Variants in RXFP2 observed in about 807,000 individuals in gnomAD.
RXFP2 encodes the protein relaxin family peptide receptor 2, also known as relaxin receptor 2.
In RXFP2, 68 loss-of-function variants were observed where a neutral mutation model predicts 88.6. The observed-to-expected ratio is 0.77, with a 90% CI of 0.63 to 0.94. The LOEUF (loss-of-function observed/expected upper bound fraction) is 0.94. RXFP2 is among the 40% of genes least tolerant of loss of function. The probability of loss-of-function intolerance (pLI) is 0.00; values close to 1 mark genes in which losing one functional copy is unlikely to be tolerated. For missense variants in RXFP2, 791 were observed against 893.9 expected (o/e 0.88, Z 1.47); for synonymous variants, 329 against 306.8 (o/e 1.07, Z -0.76).
At chr13:31,800,386 C>T (rs532027603) in intron 17 of RXFP2, among the ~76,000 whole-genome samples, 20 of 152,182 alleles carry the variant, frequency 1.3e-4, no homozygotes, top group Admixed American at 6.5e-4. Context: ...CTGGCTAACA[C>T]GGTGAAACCC....
chr13:31,769,473 A>G (rs1016771778), intron 5 of RXFP2, among the ~76,000 whole-genome samples: 1 of 152,146 alleles, frequency 6.6e-6, no homozygotes, highest in Non-Finnish European at 1.5e-5. Context: ...ATTCCTCCCC[A>G]AAGGACATAG....
intron 1 of RXFP2, among the ~76,000 whole-genome samples, chr13:31,754,932 CCTT>C (rs1479434727): frequency 6.6e-6 from 1 of 152,164 alleles, no homozygotes; most frequent in African/African-American, 2.4e-5. Context: ...CATAGAGCTT[CCTT>C]CTTAACATTC....
chr13:31,793,688 A>T (rs968474838), intron 16 of RXFP2, among the ~76,000 whole-genome samples: 2 of 152,102 alleles, frequency 1.3e-5, no homozygotes, highest in South Asian at 4.1e-4. Context: ...AAAGTTAAAA[A>T]CACTTTTTTT....
chr13:31,797,341 A>G lies in RXFP2; in HGVS notation c.1927A>G (p.Ile643Val), dbSNP rs757070167. The G allele has an allele frequency of 1.9e-6, 3 of 1,614,022 alleles. No individual in the cohort carries two copies. The highest frequency in any genetic ancestry group is 2.5e-6 in the Non-Finnish European group (3 of 1,179,982). ...EVAVANRFFF[I>V]VFSDAICWIP... ...GGCTGTTGCAAATCGTTTCTTTTTT[A>G]TAGTGTTCTCTGATGCCATCTGCTG... Residue 643 changes from isoleucine (I) to valine (V), a missense_variant, in exon 17 of 18, where the codon ATA becomes GTA. Physicochemically the swap from Ile to Val is conservative, Grantham distance 29. Transcript: ENST00000298386.
intron 1 of RXFP2, among the ~76,000 whole-genome samples, chr13:31,742,304 C>T (rs566556006): frequency 6.6e-6 from 1 of 152,176 alleles, no homozygotes; most frequent in African/African-American, 2.4e-5. Context: ...CCCCTAGTGG[C>T]CAGACTCAAG....
At chr13:31,754,955 A>G (rs762676631) in intron 1 of RXFP2, among the ~76,000 whole-genome samples, 4 of 152,186 alleles carry the variant, frequency 2.6e-5, no homozygotes, top group Non-Finnish European at 4.4e-5. Flanking sequence ...CTATTTTCTT[A>G]CATTGTATGG....
intron 11 of RXFP2, among the ~76,000 whole-genome samples, chr13:31,785,403 C>T (rs1433217452): frequency 1.3e-5 from 2 of 152,084 alleles, no homozygotes; most frequent in Admixed American, 6.5e-5. Context: ...TCATTTTTTA[C>T]ACCCACCTGA....
chr13:31,774,651 TC>T lies in RXFP2; in HGVS notation c.531del (p.Arg178GlyfsTer34). On this transcript the variant is annotated frameshift_variant, in exon 6 of 18. Coordinates refer to ENST00000298386, the MANE Select transcript of RXFP2 (RefSeq NM_130806.5). LOFTEE classifies it high-confidence loss of function. ...FLQHNCIRHI[S>X]RKAFFGLCNL... ...TCAGCATAATTGCATTAGACACATATCCAGGAAAGCATTTTTTGGATTATGT... is the reference window on the plus strand; with the variant it reads ...TCAGCATAATTGCATTAGACACATATCAGGAAAGCATTTTTTGGATTATGT... 1 of 1,562,314 alleles carries T rather than the reference TC, an allele frequency of 6.4e-7. No individual in the cohort carries two copies. The highest frequency in any genetic ancestry group is 8.8e-7 in the Non-Finnish European group (1 of 1,132,972).
rs6563819 is a variant in RXFP2, at chr13:31,797,570, A to G, written c.2005+151A>G. 2.2e-3 allele frequency: 1,489 copies of G among 684,618 alleles called. 23 individuals are homozygous for G. In the African/African-American group the frequency reaches 0.023, roughly 11 times the overall value. 42.4% of individuals were successfully genotyped at this position (684,618 alleles called of 1,614,324 possible). A position where few individuals can be genotyped will look rare whatever the true frequency, so the allele number is the denominator to read the frequency against. On this transcript the variant is annotated intron_variant, in intron 17 of 17. Transcript: ENST00000298386. ...CATGTTTTATAATCAGTATTATAAA[A>G]TAGAAACTGAGTAGTGGTGCAATCC... is the stretch of plus-strand genomic sequence containing the variant.
intron 5 of RXFP2, among the ~76,000 whole-genome samples, chr13:31,768,620 T>A (rs1872634688): frequency 6.6e-6 from 1 of 152,120 alleles, no homozygotes; most frequent in Non-Finnish European, 1.5e-5. Context: ...TAGTCCAGGC[T>A]CAGAATATGT....
chr13:31,761,373 C>G (rs1872293729), intron 2 of RXFP2, among the ~76,000 whole-genome samples: 1 of 152,104 alleles, frequency 6.6e-6, no homozygotes, highest in Admixed American at 6.5e-5. Context: ...ATGCACGTGA[C>G]AAAAACAAAA....
chr13:31,761,723 G>T lies in RXFP2; in HGVS notation c.242-1G>T. Reference sequence around the variant, plus strand: ...GACACATCTCAATCACTATTTCACAGGTGACACTAGTGGATGGGCGACCAT... The same window carrying T: ...GACACATCTCAATCACTATTTCACATGTGACACTAGTGGATGGGCGACCAT... On this transcript the variant is annotated splice_acceptor_variant, in intron 2 of 17. Coordinates refer to ENST00000298386, the MANE Select transcript of RXFP2 (RefSeq NM_130806.5). LOFTEE classifies it high-confidence loss of function. 1 of 1,602,920 alleles carries T rather than the reference G, an allele frequency of 6.2e-7. No homozygotes were observed. Among genetic ancestry groups the T allele is most frequent in the South Asian group, 1.1e-5 (1 of 90,854 alleles).
intron 1 of RXFP2, among the ~76,000 whole-genome samples, chr13:31,752,795 C>T (rs965075136): frequency 6.6e-6 from 1 of 152,106 alleles, no homozygotes; most frequent in Non-Finnish European, 1.5e-5. Context: ...AGTGCTGCTG[C>T]CCCCCTCAGA....
rs918550096 is a variant in RXFP2 at position 31,781,695 on chromosome 13, G to T, written c.810G>T (p.Lys270Asn). 1 of 1,612,114 alleles carries T rather than the reference G, an allele frequency of 6.2e-7. No individual in the cohort carries two copies. Among genetic ancestry groups the T allele is most frequent in the Admixed American group, 1.7e-5 (1 of 59,936 alleles). The change falls in exon 10 of 18, where the codon AAG becomes AAT. Residue 270 changes from lysine to asparagine, a missense_variant. Coordinates refer to ENST00000298386, the MANE Select transcript of RXFP2 (RefSeq NM_130806.5). ...GGGATTTGGAAGGCAATAGAATAAAGTATCTCACAAATTCTACGTTTCTGT... is the reference window on the plus strand; with the variant it reads ...GGGATTTGGAAGGCAATAGAATAAATTATCTCACAAATTCTACGTTTCTGT... Reference protein sequence around the residue: ...NWVDLEGNRIKYLTNSTFLSC... With the variant: ...NWVDLEGNRINYLTNSTFLSC...
intron 6 of RXFP2, 119 bp from the exon 7 acceptor site, chr13:31,775,199 A>C (rs1240557414): frequency 6.9e-6 from 6 of 866,214 alleles, no homozygotes; most frequent in African/African-American, 5.0e-5. Flanking sequence ...CATTCAGCCG[A>C]ATACTTTCAG....
In RXFP2 at chr13:31,782,727, A is replaced by G. The variant is rs1566231328; in HGVS notation, c.909A>G (p.Ser303=). Residue 303 remains serine (S), a synonymous_variant, in exon 11 of 18, where the codon TCA becomes TCG. Transcript: ENST00000298386. ...IGFVPEKTFS[S]LKNLGELDLS... Reference sequence around the variant, plus strand: ...TTGTTCCAGAGAAGACATTTTCTTCATTAAAAAATTTAGGAGAACTGTAAG... The same window carrying G: ...TTGTTCCAGAGAAGACATTTTCTTCGTTAAAAAATTTAGGAGAACTGTAAG... 1 of 1,604,958 alleles carries G rather than the reference A, an allele frequency of 6.2e-7. No homozygotes were observed. The highest frequency in any genetic ancestry group is 8.5e-7 in the Non-Finnish European group (1 of 1,171,776).
chr13:31,799,588 G>A (rs897884799), intron 17 of RXFP2, among the ~76,000 whole-genome samples: 1 of 152,170 alleles, frequency 6.6e-6, no homozygotes, highest in African/African-American at 2.4e-5. Flanking sequence ...GAAGGACCCA[G>A]CAACAAGTAA....
intron 1 of RXFP2, among the ~76,000 whole-genome samples, chr13:31,755,251 A>T (rs189668230): frequency 6.6e-6 from 1 of 152,190 alleles, no homozygotes; most frequent in Non-Finnish European, 1.5e-5. Flanking sequence ...CCATTAGGGG[A>T]TCATGAAATC....
chr13:31,793,722 C>T (rs1873900310), intron 16 of RXFP2, among the ~76,000 whole-genome samples: 1 of 152,110 alleles, frequency 6.6e-6, no homozygotes, highest in African/African-American at 2.4e-5. Context: ...TGTATCCCTC[C>T]TGCTTAGAAT....
Sources: allele counts gnomAD v4.1 joint callset (sites outside exome capture counted in the v4.1 genomes callset), GRCh38; gene constraint gnomAD v4.1.1; transcripts MANE v1.5; gene names NCBI Gene and HGNC (gene_info 2026-07-23, HGNC 2026-07-21).